Variants in FAM234A observed in about 807,000 individuals in gnomAD.
The protein encoded by FAM234A is family with sequence similarity 234 member A, also known as protein FAM234A.
FAM234A carries 42 observed loss-of-function variants against 49.1 expected under a neutral mutation model. The observed-to-expected ratio is 0.86, with a 90% CI of 0.67 to 1.11. FAM234A has a LOEUF of 1.11. Ranked by LOEUF, FAM234A falls within the 50% of genes least tolerant of loss-of-function variation. The pLI, the probability that FAM234A is intolerant of heterozygous loss-of-function variation, is 0.00. For synonymous variants in FAM234A, 369 were observed against 316.2 expected (o/e 1.17, Z -1.77); for missense variants, 815 against 745.2 (o/e 1.09, Z -1.09).
Position 262,188 on chromosome 16 carries a change from C to A in FAM234A, c.804C>A (p.Val268=). 6.2e-7 allele frequency: 1 copy of A among 1,614,002 alleles called. No individual in the cohort carries two copies. Among genetic ancestry groups the A allele is most frequent in the Non-Finnish European group, 8.5e-7 (1 of 1,180,020 alleles). ...VDGESGFLLH[V]TRTGAHYILF... The stretch of plus-strand genomic sequence containing the variant: ...GGGAAAGTGGCTTCCTCCTTCACGT[C>A]ACCAGGACAGGTGCCCACTACATCC... The change falls in exon 7 of 13, where the codon GTC becomes GTA. Residue 268 remains valine, a synonymous_variant. Transcript: ENST00000399932.
In FAM234A at chr16:265,630, C is replaced by G; in HGVS notation, c.*608C>G. On this transcript the variant is annotated 3_prime_UTR_variant, in exon 13 of 13. Transcript: ENST00000399932. The stretch of plus-strand genomic sequence containing the variant: ...GGGGGTGTGACTTGGTTCCTTTGAC[C>G]AGGTCCTGTGAGGAAGCCTGGAGCA... The G allele has an allele frequency of 1.0e-6, 1 of 985,566 alleles. No individual in the cohort carries two copies. Among genetic ancestry groups the G allele is most frequent in the African/African-American group, 1.7e-5 (1 of 57,320 alleles). 61.1% of individuals were successfully genotyped at this position (985,566 alleles called of 1,614,324 possible).
rs1406175310 is a variant in FAM234A, at chr16:234,870, G to A, written c.-140+13G>A. ...GCCGCGGCGGCAGGTGAGTGAGCGC[G>A]GCCTCGTACTCGCGCGTGCACGCCG... On this transcript the variant is annotated intron_variant, in intron 1 of 12. Coordinates refer to ENST00000399932, the MANE Select transcript of FAM234A (RefSeq NM_032039.4). 6.6e-6 allele frequency: 1 copy of A among 152,316 alleles called. No individual in the cohort carries two copies. Among genetic ancestry groups the A allele is most frequent in the Non-Finnish European group, 1.5e-5 (1 of 68,158 alleles). The allele number at this position is 152,316 out of a possible 1,614,324, so 9.4% of individuals were successfully genotyped here.
At position 265,597 on chromosome 16, in the gene FAM234A, C is replaced by T; in HGVS notation, c.*575C>T. 1.0e-6 allele frequency: 1 copy of T among 985,822 alleles called. No homozygotes were observed. Among genetic ancestry groups the T allele is most frequent in the Non-Finnish European group, 1.2e-6 (1 of 830,264 alleles). The allele number at this position is 985,822 out of a possible 1,614,324, so 61.1% of individuals were successfully genotyped here. A position where few individuals can be genotyped will look rare whatever the true frequency, so the allele number is the denominator to read the frequency against. ...CTTCCCGGAGCTACAGGGGGATCCTCTAGCATGGGGGGTGTGACTTGGTTC... is the reference window on the plus strand; with the variant it reads ...CTTCCCGGAGCTACAGGGGGATCCTTTAGCATGGGGGGTGTGACTTGGTTC... On this transcript the variant is annotated 3_prime_UTR_variant, in exon 13 of 13. Transcript: ENST00000399932.
At chr16:264,568 AG>A (rs2051616102) in intron 11 of FAM234A, 45 bp from the exon 12 acceptor site, 1 of 1,263,954 alleles carries the variant, frequency 7.9e-7, no homozygotes, top group Non-Finnish European at 1.1e-6. Context: ...GTCCTGTGGG[AG>A]TGCTCAGTGA....
chr16:260,736 T>C (rs1158084039), intron 5 of FAM234A: 14 of 441,002 alleles, frequency 3.2e-5, no homozygotes, highest in South Asian at 2.3e-4. Flanking sequence ...ATATTTCCCT[T>C]ACAAGCTGTC....
At chr16:268,692 T>C (rs2051781826), downstream of FAM234A, 2 of 1,426,076 alleles carry the variant, frequency 1.4e-6, no homozygotes, top group Non-Finnish European at 1.9e-6. Flanking sequence ...GGAACGCGTT[T>C]GGCGAGGGAG....
chr16:235,300 G>A (rs72765811), intron 1 of FAM234A, among the ~76,000 whole-genome samples: 12,004 of 152,134 alleles, frequency 0.079, 602 homozygotes, highest in African/African-American at 0.13. Context: ...GAAGCCTCAC[G>A]GGGGTCGGAG....
At position 254,691 on chromosome 16, in the gene FAM234A, G is replaced by T. The variant is rs757195933; in HGVS notation, c.268+10G>T. On this transcript the variant is annotated intron_variant, in intron 3 of 12. Transcript: ENST00000399932. ...GACTACAGTGCCGCTGGTGAGCCTC[G>T]GCTTCCCCGCCCAGTGGGGTCCAAA... The T allele has an allele frequency of 6.2e-7, 1 of 1,612,294 alleles. No homozygotes were observed. The highest frequency in any genetic ancestry group is 1.3e-5 in the African/African-American group (1 of 74,786).
At chr16:267,590 G>C (rs112571915), downstream of FAM234A, among the ~76,000 whole-genome samples, 1 of 82,146 alleles carries the variant, frequency 1.2e-5, no homozygotes, top group South Asian at 3.9e-4. Context: ...ACAATCACAC[G>C]TGCTATGCGT....
intron 1 of FAM234A, among the ~76,000 whole-genome samples, chr16:242,314 A>C (rs566863580): frequency 6.6e-6 from 1 of 152,180 alleles, no homozygotes; most frequent in African/African-American, 2.4e-5. Flanking sequence ...TCCCAGGCTG[A>C]AGTGATTCTC....
Position 261,385 on chromosome 16 carries a change from G to A in FAM234A, c.579G>A (p.Gly193=). ...CCGTGACCGTGTGCTTGATTCTAGG[G>A]GAAACCCTGTGGAACCACAGCAGCA... The part of the protein sequence containing the change: ...SSFIAVNLFT[G]ETLWNHSSSF... The change falls in exon 6 of 13, where the codon GGG becomes GGA. Residue 193 remains glycine (G), a splice_region_variant and synonymous_variant. Transcript: ENST00000399932. The A allele has an allele frequency of 1.2e-6, 2 of 1,611,414 alleles. No individual in the cohort carries two copies. The highest frequency in any genetic ancestry group is 1.7e-6 in the Non-Finnish European group (2 of 1,178,026).
intron 1 of FAM234A, among the ~76,000 whole-genome samples, chr16:244,211 A>G (rs9929462): frequency 0.45 from 68,240 of 151,852 alleles, 18,382 homozygotes; most frequent in African/African-American, 0.75. Flanking sequence ...CTTGTGATCC[A>G]CCCGCCTTGG....
chr16:258,235 G>A (rs1185861405), intron 3 of FAM234A, among the ~76,000 whole-genome samples: 1 of 151,856 alleles, frequency 6.6e-6, no homozygotes, highest in Non-Finnish European at 1.5e-5. Context: ...GACAATAGTG[G>A]ACGGAAGGTC....
intron 1 of FAM234A, among the ~76,000 whole-genome samples, chr16:244,031 C>G (rs950179707): frequency 2.6e-5 from 4 of 151,178 alleles, no homozygotes; most frequent in Non-Finnish European, 4.4e-5. Context: ...TGCAGTGGTG[C>G]CATCTCGGCT....
intron 5 of FAM234A, chr16:260,428 A>G: frequency 1.9e-6 from 1 of 535,950 alleles, no homozygotes. Context: ...GTCCGATGTC[A>G]CCTGCCATGG....
chr16:268,873 C>T, downstream of FAM234A: 2 of 1,550,490 alleles, frequency 1.3e-6, no homozygotes, highest in Non-Finnish European at 8.7e-7. Context: ...GGGAAGCCGC[C>T]CGCCTGTGCA....
chr16:265,780 GGCTGTGGAAT>G lies in FAM234A; in HGVS notation c.*761_*770del, dbSNP rs2051673412. 1 of 985,624 alleles carries G rather than the reference GGCTGTGGAAT, an allele frequency of 1.0e-6. No homozygotes were observed. The highest frequency in any genetic ancestry group is 1.7e-5 in the African/African-American group (1 of 57,242). The allele number at this position is 985,624 out of a possible 1,614,324, so 61.1% of individuals were successfully genotyped here. A position where few individuals can be genotyped will look rare whatever the true frequency, so the allele number is the denominator to read the frequency against. On this transcript the variant is annotated 3_prime_UTR_variant, in exon 13 of 13. Transcript: ENST00000399932. ...TGTGCTGTGAATATCCCAAGGAACT[GGCTGTGGAAT>G]GCGTGTTTGGGTCAGTCTGTGCCCT...
At chr16:252,906 T>A (rs995141151) in intron 2 of FAM234A, among the ~76,000 whole-genome samples, 2 of 152,148 alleles carry the variant, frequency 1.3e-5, no homozygotes, top group Admixed American at 1.3e-4. Context: ...CCCCTCCCTT[T>A]GCTGTGAACT....
intron 2 of FAM234A, among the ~76,000 whole-genome samples, chr16:252,503 T>C (rs1240574190): frequency 1.3e-5 from 2 of 152,094 alleles, no homozygotes; most frequent in East Asian, 3.9e-4. Flanking sequence ...TTTTAATTCT[T>C]GTGGGTGTAC....
Sources: allele counts gnomAD v4.1 joint callset (sites outside exome capture counted in the v4.1 genomes callset), GRCh38; gene constraint gnomAD v4.1.1; transcripts MANE v1.5; gene names NCBI Gene and HGNC (gene_info 2026-07-23, HGNC 2026-07-21).